Variants in SIGLEC11 observed in about 807,000 individuals in gnomAD.
SIGLEC11 encodes sialic acid binding Ig like lectin 11.
In SIGLEC11, 47 loss-of-function variants were observed where a neutral mutation model predicts 61.2. The observed-to-expected ratio is 0.77, with a 90% confidence interval of 0.61 to 0.98. The LOEUF (loss-of-function observed/expected upper bound fraction) is 0.98, where lower values mean the gene tolerates loss of function less well. Ranked by LOEUF, SIGLEC11 falls within the 50% of genes least tolerant of loss-of-function variation. The probability of loss-of-function intolerance (pLI) is 0.00; values close to 1 mark genes in which losing one functional copy is unlikely to be tolerated. For synonymous variants in SIGLEC11, 278 were observed against 373.1 expected (o/e 0.75, Z 2.94); for missense variants, 610 against 870.3 (o/e 0.70, Z 3.76).
intron 8 of SIGLEC11, among the ~76,000 whole-genome samples, chr19:49,956,018 T>C (rs943423978): frequency 6.6e-6 from 1 of 152,188 alleles, no homozygotes; most frequent in Non-Finnish European, 1.5e-5. Context: ...CCCACTCCTT[T>C]AGCAGAAAAC....
intron 8 of SIGLEC11, among the ~76,000 whole-genome samples, chr19:49,954,443 T>TGAGCTATGCAAATGCCTGCTC (rs1049227926): frequency 6.6e-6 from 1 of 152,162 alleles, no homozygotes; most frequent in Admixed American, 6.5e-5. Flanking sequence ...TGGCCGTGCT[T>TGAGCTATGCAAATGCCTGCTC]GAGCTATGCA....
rs145434757 is a variant in SIGLEC11, at chr19:49,958,844, G to C, written c.1162C>G (p.Arg388Gly). ...SLPVLEGQSLRLVCVTHSSPP... is the reference protein window; with the variant it reads ...SLPVLEGQSLGLVCVTHSSPP... ...CTGCTGTGGGTGACACAGACCAGGC[G>C]CAGGCTTTGGCCCTCCAGGACCGGG... Residue 388 changes from arginine to glycine, a missense_variant, in exon 7 of 11, where the codon CGC becomes GGC. Physicochemically the swap from Arg to Gly is moderately radical, Grantham distance 125. Coordinates refer to ENST00000447370, the MANE Select transcript of SIGLEC11 (RefSeq NM_052884.3). 485 of 1,609,306 alleles carry C rather than the reference G, an allele frequency of 3.0e-4. 1 individual carries two copies. In the African/African-American group the frequency reaches 5.7e-3, roughly 19 times the overall value.
rs756599918 is a variant in SIGLEC11 at position 49,960,591 on chromosome 19, G to C, written c.421C>G (p.His141Asp). 1 of 1,598,864 alleles carries C rather than the reference G, an allele frequency of 6.3e-7. No individual in the cohort carries two copies. Among genetic ancestry groups the C allele is most frequent in the Non-Finnish European group, 8.5e-7 (1 of 1,178,922 alleles). Residue 141 changes from histidine to aspartate, a missense_variant, in exon 2 of 11, where the codon CAT (histidine) becomes GAT (aspartate). Transcript: ENST00000447370. ...FRVERGSRVR[H>D]SFLSNAFFLK... ...AAGAACGCATTGCTCAGGAAACTATGTCTCACACGGCTTCCTCTCTCCACC... is the reference window on the plus strand; with the variant it reads ...AAGAACGCATTGCTCAGGAAACTATCTCTCACACGGCTTCCTCTCTCCACC...
rs988238286 is a variant in SIGLEC11 at position 49,958,361 on chromosome 19, T to C, written c.1573A>G (p.Ser525Gly). The C allele has an allele frequency of 1.9e-6, 3 of 1,614,124 alleles. No homozygotes were observed. In the African/African-American group the frequency reaches 4.0e-5, roughly 22 times the overall value. The change falls in exon 8 of 11, where the codon AGC becomes GGC. Residue 525 changes from serine to glycine, a missense_variant. Physicochemically the swap from Ser to Gly is moderately conservative, Grantham distance 56 (BLOSUM62 0). Around this residue, in one of 6 missense-constraint regions of SIGLEC11, gnomAD observed 432 missense variants for 441.5 expected, o/e 0.98. Coordinates refer to ENST00000447370, the MANE Select transcript of SIGLEC11 (RefSeq NM_052884.3). Reference sequence around the variant, plus strand: ...TTACAGCGGAGCCTGAGGCCGGAGCTGAGCCCTCCATGGAGGCTCAGGGAG... The same window carrying C: ...TTACAGCGGAGCCTGAGGCCGGAGCCGAGCCCTCCATGGAGGCTCAGGGAG... ...NSSLSLHGGL[S>G]SGLRLRCKAW... is the part of the protein sequence containing the mutation.
chr19:49,950,285 C>A, intron 10 of SIGLEC11, 49 bp from the exon 11 acceptor site: 1 of 1,440,308 alleles, frequency 6.9e-7, no homozygotes, highest in Non-Finnish European at 9.1e-7. Context: ...GGGGGCTAAG[C>A]GAGAGCAAGG....
chr19:49,958,908 A>C lies in SIGLEC11; in HGVS notation c.1106-8T>G. On this transcript the variant is annotated splice_region_variant and splice_polypyrimidine_tract_variant and intron_variant, in intron 6 of 10. Transcript: ENST00000447370. The stretch of plus-strand genomic sequence containing the variant: ...TCCCGAGGTTTTCCAGGACTAGGGA[A>C]GGAAGAGGCAGAATCGACGTGCAGC... 1 of 1,602,352 alleles carries C rather than the reference A, an allele frequency of 6.2e-7. No homozygotes were observed.
Position 49,955,502 on chromosome 19 carries a change from C to T in SIGLEC11, c.1651+2781G>A, listed in dbSNP as rs542079497. Among the ~76,000 whole-genome samples the T allele has an allele frequency of 3.9e-5, 6 of 152,220 alleles. No homozygotes were observed. The East Asian group carries it at 5.8e-4, about 15-fold the overall frequency. On this transcript the variant is annotated intron_variant, in intron 8 of 10. Transcript: ENST00000447370. The surrounding 1 kb of genome is among the most constrained non-coding windows in gnomAD (Gnocchi z 4.5). ...CAGTAAAGATAGATGGCAGTGCGTG[C>T]GTGCACAGGGGCGGGGCCCACGCCG... is the stretch of plus-strand genomic sequence containing the variant.
rs1303245581 is a variant in SIGLEC11, at chr19:49,953,416, C to A, written c.1652-1022G>T. On this transcript the variant is annotated intron_variant, in intron 8 of 10. Transcript: ENST00000447370. The stretch of plus-strand genomic sequence containing the variant: ...GGCTCGTCGATTTGGATGAAACTCA[C>A]ACCCCAACCATCACAGGATGTGAGA... Among the ~76,000 whole-genome samples, 2 of 152,058 alleles carry A rather than the reference C, an allele frequency of 1.3e-5. 1 individual carries two copies. Among genetic ancestry groups the A allele is most frequent in the Non-Finnish European group, 2.9e-5 (2 of 68,000 alleles).
At position 49,951,885 on chromosome 19, in the gene SIGLEC11, T is replaced by G; in HGVS notation, c.1830+6A>C. On this transcript the variant is annotated splice_donor_region_variant and intron_variant, in intron 10 of 10. Coordinates refer to ENST00000447370, the MANE Select transcript of SIGLEC11 (RefSeq NM_052884.3). The surrounding 1 kb of genome is among the most constrained non-coding windows in gnomAD (Gnocchi z 4.6). ...GGGCCCCAGCAGACAGAGGCTGGGC[T>G]CTCACCTGGGAGATGGGTCCCAGGG... The G allele has an allele frequency of 6.3e-7, 1 of 1,588,182 alleles. No individual in the cohort carries two copies. The highest frequency in any genetic ancestry group is 8.6e-7 in the Non-Finnish European group (1 of 1,168,134).
rs1233227595 is a variant in SIGLEC11 at position 49,949,424 on chromosome 19, G to A, written c.*546C>T. 2 of 152,064 alleles carry A rather than the reference G, an allele frequency of 1.3e-5. No individual in the cohort carries two copies. Among genetic ancestry groups the A allele is most frequent in the Non-Finnish European group, 2.9e-5 (2 of 68,042 alleles). The allele number at this position is 152,064 out of a possible 1,614,324, so 9.4% of individuals were successfully genotyped here. A position where few individuals can be genotyped will look rare whatever the true frequency, so the allele number is the denominator to read the frequency against. On this transcript the variant is annotated 3_prime_UTR_variant, in exon 11 of 11. Coordinates refer to ENST00000447370, the MANE Select transcript of SIGLEC11 (RefSeq NM_052884.3). The stretch of plus-strand genomic sequence containing the variant: ...ACTCCAGGAGCTGGCTTCTCGTTCT[G>A]GAGAGCACCCTGTGCCTCCTCTGCC...
In SIGLEC11 at chr19:49,960,431, A is replaced by C. The variant is rs1340400621; in HGVS notation, c.461-10T>G. 6.3e-7 allele frequency: 1 copy of C among 1,585,906 alleles called. No individual in the cohort carries two copies. On this transcript the variant is annotated splice_polypyrimidine_tract_variant and intron_variant, in intron 2 of 10. Transcript: ENST00000447370. ...GGCTTCTTAGTCAGGGCTGGGACAG[A>C]GACCGGGTGGGAGATTCTTGTGCTG...
Position 49,955,118 on chromosome 19 carries a change from C to T in SIGLEC11, c.1652-2724G>A, listed in dbSNP as rs554822459. ...CCAGGGTGACGTCAAGCGGCAGCTG[C>T]AGGCATGAATGCCACCCAGCTTATA... is the stretch of plus-strand genomic sequence containing the variant. On this transcript the variant is annotated intron_variant, in intron 8 of 10. Coordinates refer to ENST00000447370, the MANE Select transcript of SIGLEC11 (RefSeq NM_052884.3). This position sits in a 1 kb window ranked among gnomAD's most constrained non-coding sequence, Gnocchi z 4.5. Among the ~76,000 whole-genome samples, 297 of 152,170 alleles carry T rather than the reference C, an allele frequency of 2.0e-3. No individual in the cohort carries two copies. Among genetic ancestry groups the T allele is most frequent in the African/African-American group, 5.9e-3 (243 of 41,510 alleles).
rs747540701 is a variant in SIGLEC11, at chr19:49,950,193, G to C, written c.1874C>G (p.Pro625Arg). The change falls in exon 11 of 11, where the codon CCG (proline) becomes CGG (arginine). Residue 625 changes from proline to arginine, a missense_variant. Physicochemically the swap from Pro to Arg is moderately radical, Grantham distance 103 (BLOSUM62 -2). Transcript: ENST00000447370. ...ECSAGSSQDH[P>R]PPGAATYTPG... ...GGTGTAGGTGGCTGCACCTGGGGGC[G>C]GGTGGTCTTGGGAGCTGCCTGCCGA... The C allele has an allele frequency of 1.6e-5, 25 of 1,602,702 alleles. No homozygotes were observed. The highest frequency in any genetic ancestry group is 2.1e-5 in the Non-Finnish European group (25 of 1,176,440).
At chr19:49,959,137 G>T (rs2076222588) in intron 5 of SIGLEC11, 60 bp from the exon 6 acceptor site, 15 of 1,603,450 alleles carry the variant, frequency 9.4e-6, no homozygotes, top group African/African-American at 1.4e-5. Context: ...TGGGTAAAGG[G>T]AACTATCCTG....
intron 8 of SIGLEC11, among the ~76,000 whole-genome samples, chr19:49,954,067 T>C (rs2076178362): frequency 1.3e-5 from 2 of 152,254 alleles, no homozygotes; most frequent in South Asian, 4.1e-4. Flanking sequence ...TCAATTTCCT[T>C]ATATTGATTC....
At chr19:49,956,141 T>C (rs2076194440) in intron 8 of SIGLEC11, among the ~76,000 whole-genome samples, 2 of 152,150 alleles carry the variant, frequency 1.3e-5, no homozygotes, top group East Asian at 3.8e-4. Flanking sequence ...AAAAAGTTAA[T>C]GCCACAAAAT....
chr19:49,954,885 G>C (rs2076185335), intron 8 of SIGLEC11, among the ~76,000 whole-genome samples: 1 of 152,112 alleles, frequency 6.6e-6, no homozygotes, highest in Non-Finnish European at 1.5e-5. Context: ...CATTTGCAAA[G>C]GTACCAAGAG....
At chr19:49,959,116 G>C in intron 5 of SIGLEC11, 39 bp from the exon 6 acceptor site, 9 of 1,612,244 alleles carry the variant, frequency 5.6e-6, no homozygotes, top group Non-Finnish European at 7.6e-6. Context: ...GACAGACCAG[G>C]GGCTTCCCTC....
Position 49,958,226 on chromosome 19 carries a change from C to G in SIGLEC11, c.1651+57G>C. The stretch of plus-strand genomic sequence containing the variant: ...TCTCCCCACAACCTTGAACCTTCAT[C>G]TTTCTAGGATCCTGTCTCCTTTCTC... On this transcript the variant is annotated intron_variant, in intron 8 of 10. Transcript: ENST00000447370. 3 of 1,597,638 alleles carry G rather than the reference C, an allele frequency of 1.9e-6. No homozygotes were observed. The East Asian group carries it at 6.7e-5, about 36-fold the overall frequency.
Sources: gnomAD v4.1 joint callset for allele counts (sites outside exome capture counted in the v4.1 genomes callset) on GRCh38, gnomAD v4.1.1 for gene constraint, gnomAD v4.1.1 regional missense constraint, Gnocchi (gnomAD v3.1) non-coding constraint, MANE v1.5 for transcripts, NCBI Gene and HGNC (gene_info 2026-07-23, HGNC 2026-07-21) for gene names.